The following EEF2 variants were observed in gnomAD, a reference collection of about 807,000 sequenced individuals.
The protein encoded by EEF2 is elongation factor 2.
Under a neutral mutation model 85.3 loss-of-function variants are expected in EEF2, and 21 were observed. That is an observed-to-expected ratio of 0.25 (90% CI 0.17 to 0.35). EEF2 has a LOEUF of 0.35. Ranked by LOEUF, EEF2 falls within the 10% of genes least tolerant of loss-of-function variation. EEF2 has a pLI of 1.00. For synonymous variants in EEF2, 723 were observed against 508.8 expected (o/e 1.42, Z -5.67); for missense variants, 825 against 1,225.3 (o/e 0.67, Z 4.88).
chr19:3,980,162 G>T, intron 9 of EEF2, 96 bp from the exon 10 acceptor site: 1 of 1,508,996 alleles, frequency 6.6e-7, no homozygotes, highest in Non-Finnish European at 8.9e-7. Context: ...TGGCCCTCCT[G>T]CCAGGTCCCA....
At position 3,980,811 on chromosome 19, in the gene EEF2, T is replaced by C. The variant is rs988510773; in HGVS notation, c.1150+30A>G. 10 of 1,582,864 alleles carry C rather than the reference T, an allele frequency of 6.3e-6. No individual in the cohort carries two copies. The African/African-American group carries it at 1.3e-4, about 21-fold the overall frequency. On this transcript the variant is annotated intron_variant, in intron 8 of 14. Transcript: ENST00000309311. ...GGCAACAGGAAGTCATCCGGCTGCA[T>C]CTCAGGGCCCGGCCACCGGGACCAC...
chr19:3,978,714 A>G (rs538242954), intron 11 of EEF2, among the ~76,000 whole-genome samples: 72 of 145,258 alleles, frequency 5.0e-4, no homozygotes, highest in Non-Finnish European at 8.4e-4. Context: ...GAGGCAGGAG[A>G]ATGGCGTGAA....
intron 5 of EEF2, 92 bp downstream of exon 5, chr19:3,982,154 T>C: frequency 3.1e-6 from 5 of 1,598,774 alleles, no homozygotes; most frequent in Non-Finnish European, 3.4e-6. Flanking sequence ...CTGGTGGGCT[T>C]GAGCCACGCT....
rs200515602 is a variant in EEF2, at chr19:3,977,969, G to A, written c.1917C>T (p.Tyr639=). 1.8e-5 allele frequency: 29 copies of A among 1,613,264 alleles called. No homozygotes were observed. Among genetic ancestry groups the A allele is most frequent in the East Asian group, 6.7e-5 (3 of 44,858 alleles). The change falls in exon 12 of 15, where the codon TAC becomes TAT. Residue 639 remains tyrosine (Y), a synonymous_variant. Coordinates refer to ENST00000309311, the MANE Select transcript of EEF2 (RefSeq NM_001961.4). The surrounding 1 kb of genome is among the most constrained non-coding windows in gnomAD (Gnocchi z 5.4). ...KQRARYLAEK[Y]EWDVAEARKI... ...TGCGGGCCTCAGCCACGTCCCACTCGTACTTCTCGGCCAGGTAGCGCGCCC... is the reference window on the plus strand; with the variant it reads ...TGCGGGCCTCAGCCACGTCCCACTCATACTTCTCGGCCAGGTAGCGCGCCC...
chr19:3,979,791 G>C lies in EEF2; in HGVS notation c.1605+17C>G, dbSNP rs753594760. 1 of 1,606,776 alleles carries C rather than the reference G, an allele frequency of 6.2e-7. No individual in the cohort carries two copies. The highest frequency in any genetic ancestry group is 8.5e-7 in the Non-Finnish European group (1 of 1,175,770). ...CCCTCAGGGTGTCTGCTCCCAGCAG[G>C]TGCACTCCGTGCCCACCTGCACCAT... On this transcript the variant is annotated intron_variant, in intron 10 of 14. Transcript: ENST00000309311.
In EEF2 at chr19:3,981,994, T is replaced by G; in HGVS notation, c.850A>C (p.Lys284Gln). Residue 284 changes from lysine (K) to glutamine (Q), a missense_variant, in exon 6 of 15, where the codon AAG becomes CAG. Lys to Gln is a moderately conservative substitution (Grantham distance 53, BLOSUM62 1). Coordinates refer to ENST00000309311, the MANE Select transcript of EEF2 (RefSeq NM_001961.4). ...AGCTGGCAGAAGGTGCGTGGCAGCT[T>G]CTTCCCTTCGGGGCTGGTGGCTGAC... ...SKSATSPEGK[K>Q]LPRTFCQLIL... The G allele has an allele frequency of 6.2e-7, 1 of 1,614,184 alleles. No homozygotes were observed. Among genetic ancestry groups the G allele is most frequent in the Admixed American group, 1.7e-5 (1 of 60,022 alleles).
chr19:3,977,916 G>T lies in EEF2; in HGVS notation c.1970C>A (p.Thr657Asn). ...RKIWCFGPDG[T>N]GPNILTDITK... ...GATGTCGGTGAGGATGTTGGGGCCG[G>T]TGCCGTCGGGCCCAAAGCACCAGAT... The change falls in exon 12 of 15, where the codon ACC becomes AAC. Residue 657 changes from threonine (T) to asparagine (N), a missense_variant. Coordinates refer to ENST00000309311, the MANE Select transcript of EEF2 (RefSeq NM_001961.4). The surrounding 1 kb of genome is among the most constrained non-coding windows in gnomAD (Gnocchi z 5.4). The T allele has an allele frequency of 3.1e-6, 5 of 1,613,650 alleles. No homozygotes were observed. Among genetic ancestry groups the T allele is most frequent in the South Asian group, 1.1e-5 (1 of 91,066 alleles).
intron 6 of EEF2, 62 bp from the exon 7 acceptor site, chr19:3,981,514 T>G: frequency 6.8e-7 from 1 of 1,470,902 alleles, no homozygotes; most frequent in Non-Finnish European, 9.5e-7. Flanking sequence ...AGCCTGGCAC[T>G]GCTTCCTGCT....
chr19:3,983,020 T>TGGGGACACG lies in EEF2; in HGVS notation c.401-11_401-3dup. On this transcript the variant is annotated splice_region_variant and splice_polypyrimidine_tract_variant and intron_variant, in intron 3 of 14. Coordinates refer to ENST00000309311, the MANE Select transcript of EEF2 (RefSeq NM_001961.4). The stretch of plus-strand genomic sequence containing the variant: ...CTGTCTCCGTCTGCACGCACACGCC[T>TGGGGACACG]GGGGACACGGGGGACAGGGCGGCGC... 1 of 1,612,792 alleles carries TGGGGACACG rather than the reference T, an allele frequency of 6.2e-7. No homozygotes were observed. Among genetic ancestry groups the TGGGGACACG allele is most frequent in the Non-Finnish European group, 8.5e-7 (1 of 1,179,896 alleles).
In EEF2 at chr19:3,982,011, G is replaced by A. The variant is rs1357678352; in HGVS notation, c.833C>T (p.Thr278Ile). Reference sequence around the variant, plus strand: ...TGGCAGCTTCTTCCCTTCGGGGCTGGTGGCTGACTTGCTGAACTTGCCGTT... The same window carrying A: ...TGGCAGCTTCTTCCCTTCGGGGCTGATGGCTGACTTGCTGAACTTGCCGTT... ...PANGKFSKSA[T>I]SPEGKKLPRT... is the part of the protein sequence containing the mutation. The change falls in exon 6 of 15, where the codon ACC becomes ATC. Residue 278 changes from threonine to isoleucine, a missense_variant. By Grantham distance (89) the Thr-to-Ile change is moderately conservative. Coordinates refer to ENST00000309311, the MANE Select transcript of EEF2 (RefSeq NM_001961.4). 2 of 1,614,210 alleles carry A rather than the reference G, an allele frequency of 1.2e-6. No homozygotes were observed. Among genetic ancestry groups the A allele is most frequent in the Non-Finnish European group, 1.7e-6 (2 of 1,180,026 alleles).
At chr19:3,978,517 C>T (rs970598795) in intron 11 of EEF2, among the ~76,000 whole-genome samples, 1 of 151,976 alleles carries the variant, frequency 6.6e-6, no homozygotes, top group Admixed American at 6.5e-5. Context: ...TCAAAAACTG[C>T]CCCGGAGGCC....
rs1446717323 is a variant in EEF2 at position 3,977,017 on chromosome 19, A to G, written c.2383+198T>C. Among the ~76,000 whole-genome samples, 1 of 152,146 alleles carries G rather than the reference A, an allele frequency of 6.6e-6. No individual in the cohort carries two copies. The highest frequency in any genetic ancestry group is 1.5e-5 in the Non-Finnish European group (1 of 68,022). ...GCTCCAGGCCCAGAGCCCTTCTCAC[A>G]CTGGGGATAGGAGAGCCCCTCCCCT... On this transcript the variant is annotated intron_variant, in intron 14 of 14. Transcript: ENST00000309311. This position sits in a 1 kb window ranked among gnomAD's most constrained non-coding sequence, Gnocchi z 5.4.
chr19:3,978,482 T>C (rs1451262761), intron 11 of EEF2, among the ~76,000 whole-genome samples: 1 of 152,144 alleles, frequency 6.6e-6, no homozygotes, highest in Non-Finnish European at 1.5e-5. Flanking sequence ...GTGTTGTTTG[T>C]GGACAGAAGA....
In EEF2 at chr19:3,977,613, G is replaced by C. The variant is rs1223335419; in HGVS notation, c.2068-3C>G. ...ATGTTCTCCTCACACAGTGCGCCCTGGGGGAGGGGGAGAGCCACCGTCAAG... is the reference window on the plus strand; with the variant it reads ...ATGTTCTCCTCACACAGTGCGCCCTCGGGGAGGGGGAGAGCCACCGTCAAG... On this transcript the variant is annotated splice_region_variant and splice_polypyrimidine_tract_variant and intron_variant, in intron 12 of 14. Transcript: ENST00000309311. The surrounding 1 kb of genome is among the most constrained non-coding windows in gnomAD (Gnocchi z 5.4). 1 of 1,507,428 alleles carries C rather than the reference G, an allele frequency of 6.6e-7. No homozygotes were observed. Among genetic ancestry groups the C allele is most frequent in the South Asian group, 1.3e-5 (1 of 76,912 alleles). 93.4% of individuals were successfully genotyped at this position (1,507,428 alleles called of 1,614,324 possible).
At chr19:3,981,240 G>A (rs1001605096) in intron 7 of EEF2, 99 bp downstream of exon 7, 3 of 1,239,784 alleles carry the variant, frequency 2.4e-6, no homozygotes, top group Admixed American at 1.9e-5. Context: ...AGCTGTCCCT[G>A]CCCAGCTGAG....
At position 3,979,829 on chromosome 19, in the gene EEF2, G is replaced by C; in HGVS notation, c.1584C>G (p.Ala528=). 1 of 1,613,252 alleles carries C rather than the reference G, an allele frequency of 6.2e-7. No individual in the cohort carries two copies. The highest frequency in any genetic ancestry group is 8.5e-7 in the Non-Finnish European group (1 of 1,179,910). The change falls in exon 10 of 15, where the codon GCC becomes GCG. Residue 528 remains alanine (A), a synonymous_variant. Transcript: ENST00000309311. The part of the protein sequence containing the change: ...PKLVEGLKRL[A]KSDPMVQCII... Reference sequence around the variant, plus strand: ...CCACCTGCACCATGGGGTCGGACTTGGCCAGCCGCTTCAGCCCCTCCACCA... The same window carrying C: ...CCACCTGCACCATGGGGTCGGACTTCGCCAGCCGCTTCAGCCCCTCCACCA...
chr19:3,982,607 T>C (rs1287704333), intron 4 of EEF2, 183 bp from the exon 5 acceptor site: 1 of 1,043,540 alleles, frequency 9.6e-7, no homozygotes, highest in South Asian at 1.4e-5. Context: ...CAGGGCAGCG[T>C]TCCCTGAGCT....
intron 14 of EEF2, 62 bp from the exon 15 acceptor site, chr19:3,976,809 C>G: frequency 6.9e-7 from 1 of 1,451,366 alleles, no homozygotes. Context: ...GAAGGAAAGT[C>G]CTGTCAGGAG....
At position 3,980,919 on chromosome 19, in the gene EEF2, G is replaced by A. The variant is rs1400946704; in HGVS notation, c.1072C>T (p.Leu358=). Residue 358 remains leucine (L), a synonymous_variant, in exon 8 of 15, where the codon CTG becomes TTG. Coordinates refer to ENST00000309311, the MANE Select transcript of EEF2 (RefSeq NM_001961.4). The part of the protein sequence containing the change: ...DALLQMITIH[L]PSPVTAQKYR... ...TTCTGGGCCGTCACAGGGGAGGGCA[G>A]GTGGATGGTGATCATCTGCAACAAG... 2 of 1,569,428 alleles carry A rather than the reference G, an allele frequency of 1.3e-6. No homozygotes were observed. The highest frequency in any genetic ancestry group is 1.7e-6 in the Non-Finnish European group (2 of 1,158,202).
Sources: allele counts gnomAD v4.1 joint callset (sites outside exome capture counted in the v4.1 genomes callset), GRCh38; gene constraint gnomAD v4.1.1; non-coding constraint Gnocchi (gnomAD v3.1); transcripts MANE v1.5; gene names NCBI Gene and HGNC (gene_info 2026-07-23, HGNC 2026-07-21).